The following FSTL5 variants were observed in gnomAD, a reference collection of about 807,000 sequenced individuals.
FSTL5 encodes the protein follistatin-related protein 5.
A neutral mutation model predicts 89.1 loss-of-function variants in FSTL5; 62 were observed. The ratio of observed to expected loss-of-function variants is 0.70; its 90% CI spans 0.57 to 0.86. FSTL5 has a LOEUF of 0.86. FSTL5 is among the 40% of genes least tolerant of loss of function. The pLI is 0.00. For synonymous variants in FSTL5, 383 were observed against 346.2 expected, an observed-to-expected ratio of 1.11 and a Z score of -1.18; for missense variants, 1,057 against 1,001.6, an observed-to-expected ratio of 1.06 and a Z score of -0.75.
chr4:162,127,221 C>A (rs1732118543), intron 1 of FSTL5, among the ~76,000 whole-genome samples: 2 of 152,136 alleles, frequency 1.3e-5, no homozygotes, highest in Admixed American at 6.5e-5. Flanking sequence ...AAACCCTTGA[C>A]TTTTGCCAGT....
chr4:161,858,241 G>A (rs1175540596), intron 4 of FSTL5, among the ~76,000 whole-genome samples: 2 of 152,098 alleles, frequency 1.3e-5, no homozygotes, highest in Non-Finnish European at 2.9e-5. Context: ...GGACCATGTT[G>A]GCACCTGATC....
chr4:161,561,657 A>G lies in FSTL5; in HGVS notation c.1016-18964T>C, dbSNP rs1287616767. On this transcript the variant is annotated intron_variant, in intron 8 of 15. Transcript: ENST00000306100. ...CAATAATAACAAGGCAAAAAAAAAG[A>G]AAGAAAAGTGTATACAGTATGTTTT... 5.9e-5 allele frequency among the ~76,000 whole-genome samples: 9 copies of G among 152,038 alleles called. No homozygotes were observed. In the South Asian group the frequency reaches 1.2e-3, roughly 21 times the overall value.
intron 1 of FSTL5, among the ~76,000 whole-genome samples, chr4:162,141,024 A>G (rs142682733): frequency 1.2e-4 from 18 of 151,552 alleles, no homozygotes; most frequent in African/African-American, 3.6e-4. Context: ...TTGGAAGTCA[A>G]TGGGAGTAAT....
intron 15 of FSTL5, among the ~76,000 whole-genome samples, chr4:161,404,668 T>TA (rs1189120866): frequency 2.1e-5 from 3 of 144,026 alleles, no homozygotes; most frequent in South Asian, 2.1e-4. Context: ...TACGTAACAA[T>TA]AAAAAAAAAT....
intron 1 of FSTL5, among the ~76,000 whole-genome samples, chr4:162,153,521 G>A (rs1227098427): frequency 1.3e-5 from 2 of 149,968 alleles, no homozygotes; most frequent in Non-Finnish European, 3.0e-5. Context: ...CCCAGCACCT[G>A]AAAGGGTACC....
chr4:162,056,303 T>C (rs1738540157), intron 2 of FSTL5, among the ~76,000 whole-genome samples: 1 of 152,074 alleles, frequency 6.6e-6, no homozygotes, highest in South Asian at 2.1e-4. Context: ...ATGATTTTCA[T>C]CAGATGATGA....
intron 4 of FSTL5, among the ~76,000 whole-genome samples, chr4:161,827,117 C>A (rs1730692194): frequency 1.3e-5 from 2 of 152,166 alleles, no homozygotes; most frequent in South Asian, 4.1e-4. Flanking sequence ...TCAAGGGCTG[C>A]TCTTAAGATT....
intron 6 of FSTL5, among the ~76,000 whole-genome samples, chr4:161,733,673 T>C (rs1739693446): frequency 6.6e-6 from 1 of 152,044 alleles, no homozygotes; most frequent in Non-Finnish European, 1.5e-5. Context: ...AGTTTCCCCC[T>C]TTTTTAAGTT....
intron 8 of FSTL5, among the ~76,000 whole-genome samples, chr4:161,557,791 A>C (rs919734902): frequency 1.3e-5 from 2 of 151,762 alleles, no homozygotes; most frequent in Non-Finnish European, 2.9e-5. Context: ...TTGCCCAAAA[A>C]TAAATCTAAG....
At chr4:161,744,105 G>GT (rs1430368845) in intron 6 of FSTL5, among the ~76,000 whole-genome samples, 1 of 151,908 alleles carries the variant, frequency 6.6e-6, no homozygotes, top group Non-Finnish European at 1.5e-5. Context: ...AAATCATCCT[G>GT]TTTTTTTCAA....
Position 162,024,339 on chromosome 4 carries a change from A to T in FSTL5, c.160+9286T>A, listed in dbSNP as rs1038594941. On this transcript the variant is annotated intron_variant, in intron 3 of 15. Coordinates refer to ENST00000306100, the MANE Select transcript of FSTL5 (RefSeq NM_020116.5). ...TTCTGAGGGTTATATAAAATAACAC[A>T]GAACTTGGAAAGCACTTGACAGAGG... Among the ~76,000 whole-genome samples, 8 of 152,336 alleles carry T rather than the reference A, an allele frequency of 5.3e-5. No homozygotes were observed. In the South Asian group the frequency reaches 8.3e-4, roughly 16 times the overall value.
At chr4:162,155,890 C>T (rs995307335) in intron 1 of FSTL5, among the ~76,000 whole-genome samples, 3 of 152,124 alleles carry the variant, frequency 2.0e-5, no homozygotes, top group Admixed American at 1.3e-4. Context: ...TTAGAAGAAT[C>T]TTTAAAGCAG....
At chr4:161,875,089 C>T (rs143654058) in intron 4 of FSTL5, among the ~76,000 whole-genome samples, 40 of 152,146 alleles carry the variant, frequency 2.6e-4, no homozygotes, top group African/African-American at 9.4e-4. Flanking sequence ...GATATTATTA[C>T]TTTTTCCCTT....
chr4:161,950,648 A>G (rs1734866772), intron 3 of FSTL5, among the ~76,000 whole-genome samples: 1 of 152,088 alleles, frequency 6.6e-6, no homozygotes, highest in Admixed American at 6.6e-5. Flanking sequence ...ACCACAGCTT[A>G]CTGAAGGCAC....
At chr4:161,386,555 G>A in intron 15 of FSTL5, 106 bp from the exon 16 acceptor site, 1 of 705,384 alleles carries the variant, frequency 1.4e-6, no homozygotes, top group Non-Finnish European at 2.4e-6. Context: ...CTAATTGTCA[G>A]GCGAGGCAGC....
intron 7 of FSTL5, among the ~76,000 whole-genome samples, chr4:161,650,259 A>C (rs1478757868): frequency 6.6e-6 from 1 of 152,218 alleles, no homozygotes; most frequent in African/African-American, 2.4e-5. Flanking sequence ...GGTATAAGCC[A>C]CATTATCATT....
chr4:161,505,773 C>T lies in FSTL5; in HGVS notation c.1339+4625G>A, dbSNP rs57617821. Among the ~76,000 whole-genome samples the T allele has an allele frequency of 4.2e-3, 631 of 151,950 alleles. 3 individuals are homozygous for T. The highest frequency in any genetic ancestry group is 0.014 in the African/African-American group (575 of 41,432). On this transcript the variant is annotated intron_variant, in intron 11 of 15. Transcript: ENST00000306100. ...TGTACATGTGCACATATATAGATATCGCTACAAATGGATATCTCTTGCAAG... is the reference window on the plus strand; with the variant it reads ...TGTACATGTGCACATATATAGATATTGCTACAAATGGATATCTCTTGCAAG...
At chr4:161,858,866 T>C (rs1731808191) in intron 4 of FSTL5, among the ~76,000 whole-genome samples, 1 of 152,220 alleles carries the variant, frequency 6.6e-6, no homozygotes, top group African/African-American at 2.4e-5. Context: ...AACCCCATTC[T>C]GTAATACATT....
At chr4:161,909,174 G>T (rs1156346434) in intron 4 of FSTL5, among the ~76,000 whole-genome samples, 4 of 152,102 alleles carry the variant, frequency 2.6e-5, no homozygotes, top group African/African-American at 9.7e-5. Flanking sequence ...ATGTAGAGCT[G>T]GCTGGGGAGT....
Sources: gnomAD v4.1 joint callset for allele counts (sites outside exome capture counted in the v4.1 genomes callset) on GRCh38, gnomAD v4.1.1 for gene constraint, MANE v1.5 for transcripts, NCBI Gene and HGNC (gene_info 2026-07-23, HGNC 2026-07-21) for gene names.